Variants in CREB5 observed in about 807,000 individuals in gnomAD.
The protein encoded by CREB5 is cyclic AMP-responsive element-binding protein 5.
CREB5 carries 19 observed loss-of-function variants against 57.1 expected under a neutral mutation model. The ratio of observed to expected loss-of-function variants is 0.33; its 90% CI spans 0.23 to 0.49. The LOEUF (loss-of-function observed/expected upper bound fraction) is 0.49, where lower values mean the gene tolerates loss of function less well. Among genes scored for constraint, CREB5 ranks in the 20% least tolerant of loss-of-function variants. The pLI, the probability that CREB5 is intolerant of heterozygous loss-of-function variation, is 0.99. For missense variants in CREB5, 579 were observed against 671.6 expected (o/e 0.86, Z 1.52); for synonymous variants, 238 against 238.3 (o/e 1.00, Z 0.01).
At chr7:28,397,366 G>A (rs557663840) in intron 1 of CREB5, among the ~76,000 whole-genome samples, 2 of 152,184 alleles carry the variant, frequency 1.3e-5, no homozygotes, top group Non-Finnish European at 2.9e-5. Flanking sequence ...ACTTGGGATA[G>A]GGTGGGTCGG....
chr7:28,576,323 T>C (rs532767459), intron 5 of CREB5, among the ~76,000 whole-genome samples: 1 of 152,244 alleles, frequency 6.6e-6, no homozygotes, highest in Non-Finnish European at 1.5e-5. Flanking sequence ...TTATTTCCTG[T>C]AATTCTTCAA....
intron 5 of CREB5, among the ~76,000 whole-genome samples, chr7:28,668,283 A>G (rs1457784809): frequency 6.6e-6 from 1 of 152,238 alleles, no homozygotes; most frequent in Non-Finnish European, 1.5e-5. Context: ...TAAAAAGAGT[A>G]TAGCATCTTT....
chr7:28,319,874 T>C (rs575862072), intron 1 of CREB5, among the ~76,000 whole-genome samples: 1 of 152,240 alleles, frequency 6.6e-6, no homozygotes, highest in African/African-American at 2.4e-5. Context: ...AACATTCCCC[T>C]TTATAAATCT....
intron 4 of CREB5, among the ~76,000 whole-genome samples, chr7:28,526,614 C>A (rs1793458429): frequency 1.3e-5 from 2 of 152,152 alleles, no homozygotes; most frequent in Admixed American, 1.3e-4. Context: ...AAAAATAAAT[C>A]CTTGCTTTGG....
chr7:28,724,392 T>C (rs1583618265), intron 7 of CREB5, 60 bp downstream of exon 7: 2 of 1,436,396 alleles, frequency 1.4e-6, no homozygotes, highest in East Asian at 4.6e-5. Flanking sequence ...TGAATTTTAC[T>C]CTGACTCCAA....
chr7:28,620,503 G>A (rs1797754018), intron 5 of CREB5, among the ~76,000 whole-genome samples: 1 of 152,160 alleles, frequency 6.6e-6, no homozygotes, highest in Non-Finnish European at 1.5e-5. Flanking sequence ...CCTAATAAAA[G>A]ATCATCGTTA....
At chr7:28,586,485 C>T (rs1012893339) in intron 5 of CREB5, among the ~76,000 whole-genome samples, 1 of 152,204 alleles carries the variant, frequency 6.6e-6, no homozygotes, top group Non-Finnish European at 1.5e-5. Context: ...CAGCCCCCTT[C>T]CCTCTCCAGC....
At chr7:28,550,115 C>T (rs1428257071) in intron 4 of CREB5, among the ~76,000 whole-genome samples, 1 of 152,068 alleles carries the variant, frequency 6.6e-6, no homozygotes, top group Non-Finnish European at 1.5e-5. Context: ...TCTCCTCTTC[C>T]TCCTTTTCTT....
At chr7:28,616,168 G>A (rs959097485) in intron 5 of CREB5, among the ~76,000 whole-genome samples, 5 of 152,104 alleles carry the variant, frequency 3.3e-5, no homozygotes, top group Admixed American at 2.6e-4. Flanking sequence ...TTAGAGTCAA[G>A]TTCAAATTTT....
chr7:28,419,255 A>G (rs1788139448), intron 1 of CREB5, among the ~76,000 whole-genome samples: 1 of 152,234 alleles, frequency 6.6e-6, no homozygotes, highest in Non-Finnish European at 1.5e-5. Context: ...GTACAGATTC[A>G]TTTGTTGAGC....
At chr7:28,534,078 T>C (rs1234326884) in intron 4 of CREB5, among the ~76,000 whole-genome samples, 1 of 151,936 alleles carries the variant, frequency 6.6e-6, no homozygotes, top group African/African-American at 2.4e-5. Flanking sequence ...GGGGGAAGAG[T>C]CTCAGACCCA....
chr7:28,431,982 CTTT>C (rs34222908), intron 1 of CREB5, among the ~76,000 whole-genome samples: 1 of 124,888 alleles, frequency 8.0e-6, no homozygotes, highest in Non-Finnish European at 1.7e-5. Context: ...ACAGCTATGC[CTTT>C]TTTTTTTTTT....
intron 4 of CREB5, among the ~76,000 whole-genome samples, chr7:28,510,389 G>T (rs867130132): frequency 1.3e-5 from 2 of 152,100 alleles, no homozygotes; most frequent in Middle Eastern, 3.4e-3. Context: ...GACTTGCATT[G>T]GTTCCCTCAT....
intron 5 of CREB5, among the ~76,000 whole-genome samples, chr7:28,589,112 C>T (rs1796401808): frequency 1.3e-5 from 2 of 152,192 alleles, no homozygotes; most frequent in Non-Finnish European, 2.9e-5. Context: ...CGCCACCTAA[C>T]ATTCTACAAT....
At chr7:28,709,401 T>C (rs977819528) in intron 5 of CREB5, among the ~76,000 whole-genome samples, 1 of 152,176 alleles carries the variant, frequency 6.6e-6, no homozygotes, top group Non-Finnish European at 1.5e-5. Context: ...TGAATCAAGC[T>C]GACTGCATGA....
chr7:28,421,171 C>T (rs1213192243), intron 1 of CREB5, among the ~76,000 whole-genome samples: 1 of 152,108 alleles, frequency 6.6e-6, no homozygotes, highest in African/African-American at 2.4e-5. Flanking sequence ...TCTCCAATGT[C>T]CATTATACCA....
chr7:28,808,101 T>C (rs529494317), intron 8 of CREB5, among the ~76,000 whole-genome samples: 12 of 152,224 alleles, frequency 7.9e-5, no homozygotes, highest in African/African-American at 1.7e-4. Flanking sequence ...TCTCACTATC[T>C]CACACACACA....
At chr7:28,424,151 A>G (rs1217110600) in intron 1 of CREB5, among the ~76,000 whole-genome samples, 1 of 152,208 alleles carries the variant, frequency 6.6e-6, no homozygotes, top group Non-Finnish European at 1.5e-5. Flanking sequence ...TAAGGATGTC[A>G]GTCATATTAC....
rs1413209338 is a variant in CREB5, at chr7:28,299,798, C to T, written c.-25+357C>T. Among the ~76,000 whole-genome samples, 6 of 152,110 alleles carry T rather than the reference C, an allele frequency of 3.9e-5. No homozygotes were observed. The East Asian group carries it at 1.2e-3, about 29-fold the overall frequency. On this transcript the variant is annotated intron_variant, in intron 1 of 9. Transcript: ENST00000396299. Reference sequence around the variant, plus strand: ...TAGATAGATATATTTTGCAATGCTGCAATGTTGTGTTACCAAAGTTTAGGA... The same window carrying T: ...TAGATAGATATATTTTGCAATGCTGTAATGTTGTGTTACCAAAGTTTAGGA...
Sources: allele counts gnomAD v4.1 joint callset (sites outside exome capture counted in the v4.1 genomes callset), GRCh38; gene constraint gnomAD v4.1.1; transcripts MANE v1.5; gene names NCBI Gene and HGNC (gene_info 2026-07-23, HGNC 2026-07-21).